FARS2: variants seen among roughly 807,000 people sequenced by gnomAD.
FARS2 encodes phenylalanine--tRNA ligase, mitochondrial.
Under a neutral mutation model 46.4 loss-of-function variants are expected in FARS2, and 40 were observed. That is an observed-to-expected ratio of 0.86 (90% CI 0.67 to 1.12). The LOEUF (loss-of-function observed/expected upper bound fraction) is 1.12, where lower values mean the gene tolerates loss of function less well. Among genes scored for constraint, FARS2 ranks in the 50% most tolerant of loss-of-function variants. The pLI, the probability that FARS2 is intolerant of heterozygous loss-of-function variation, is 0.00. For missense variants in FARS2, 513 were observed against 567.9 expected (o/e 0.90, Z 0.98); for synonymous variants, 234 against 214.9 (o/e 1.09, Z -0.78).
chr6:5,539,407 T>TATATATATATATATATATA (rs771563949), intron 4 of FARS2, among the ~76,000 whole-genome samples: 6 of 143,480 alleles, frequency 4.2e-5, no homozygotes, highest in African/African-American at 7.8e-5. Context: ...TATGTATATA[T>TATATATATATATATATATA]TTTTTTAGTA....
chr6:5,343,197 A>G lies in FARS2; in HGVS notation c.-21-25353A>G, dbSNP rs1756993271. On this transcript the variant is annotated intron_variant, in intron 1 of 6. Coordinates refer to ENST00000274680, the MANE Select transcript of FARS2 (RefSeq NM_006567.5). This position sits in a 1 kb window ranked among gnomAD's most constrained non-coding sequence, Gnocchi z 4.5. Reference sequence around the variant, plus strand: ...TGTTTATTACTGTAGACAAAACTGTACATTTCATTTATTTATCTATTTATT... The same window carrying G: ...TGTTTATTACTGTAGACAAAACTGTGCATTTCATTTATTTATCTATTTATT... Among the ~76,000 whole-genome samples the G allele has an allele frequency of 6.6e-6, 1 of 152,142 alleles. No individual in the cohort carries two copies. Among genetic ancestry groups the G allele is most frequent in the Admixed American group, 6.5e-5 (1 of 15,276 alleles).
At chr6:5,274,665 T>C (rs1294610400) in intron 1 of FARS2, among the ~76,000 whole-genome samples, 1 of 152,298 alleles carries the variant, frequency 6.6e-6, no homozygotes, top group East Asian at 1.9e-4. Flanking sequence ...CTAATGTCTT[T>C]CTGTTTTCAG....
At chr6:5,633,303 T>C (rs1045299569) in intron 6 of FARS2, among the ~76,000 whole-genome samples, 1 of 125,152 alleles carries the variant, frequency 8.0e-6, no homozygotes, top group Non-Finnish European at 1.6e-5. Context: ...TGTGACAGAG[T>C]CTCGCTCTGT....
intron 6 of FARS2, among the ~76,000 whole-genome samples, chr6:5,686,934 G>A (rs1188630743): frequency 1.3e-5 from 2 of 152,176 alleles, no homozygotes; most frequent in Non-Finnish European, 2.9e-5. Flanking sequence ...GTTTTGATTT[G>A]CATTTCTCTG....
At chr6:5,562,695 T>TACACACACACACACAC (rs35980009) in intron 5 of FARS2, among the ~76,000 whole-genome samples, 1,774 of 135,718 alleles carry the variant, frequency 0.013, 22 homozygotes, top group East Asian at 0.033. Flanking sequence ...CTGTAATTTA[T>TACACACACACACACAC]ACACACACAC....
At chr6:5,613,965 C>G (rs139651134) in intron 6 of FARS2, among the ~76,000 whole-genome samples, 1 of 151,918 alleles carries the variant, frequency 6.6e-6, no homozygotes, top group East Asian at 1.9e-4. Flanking sequence ...GAAGGAGCAT[C>G]GCAGATAGCA....
chr6:5,578,226 T>C (rs1773101991), intron 5 of FARS2, among the ~76,000 whole-genome samples: 2 of 152,202 alleles, frequency 1.3e-5, no homozygotes, highest in South Asian at 4.1e-4. Context: ...AGCACCTGTT[T>C]GGTGCTGGTG....
At chr6:5,641,488 G>A (rs1361935827) in intron 6 of FARS2, among the ~76,000 whole-genome samples, 1 of 152,110 alleles carries the variant, frequency 6.6e-6, no homozygotes, top group Non-Finnish European at 1.5e-5. Context: ...GTAGAGACAG[G>A]GTTTTGCCAT....
chr6:5,393,716 G>A (rs768614254), intron 2 of FARS2, among the ~76,000 whole-genome samples: 4 of 152,144 alleles, frequency 2.6e-5, no homozygotes, highest in Non-Finnish European at 5.9e-5. Context: ...CCAGTGTGAG[G>A]TATAATTAGT....
intron 5 of FARS2, among the ~76,000 whole-genome samples, chr6:5,587,084 C>G (rs544787218): frequency 2.6e-5 from 4 of 152,190 alleles, no homozygotes; most frequent in Non-Finnish European, 5.9e-5. Flanking sequence ...ATCTGGCAAC[C>G]CTTAAAGATG....
In FARS2 at chr6:5,529,414, T is replaced by G. The variant is rs199764691; in HGVS notation, c.905-15766T>G. Among the ~76,000 whole-genome samples, 28 of 152,260 alleles carry G rather than the reference T, an allele frequency of 1.8e-4. No individual in the cohort carries two copies. The East Asian group carries it at 5.2e-3, about 28-fold the overall frequency. On this transcript the variant is annotated intron_variant, in intron 4 of 6. Coordinates refer to ENST00000274680, the MANE Select transcript of FARS2 (RefSeq NM_006567.5). ...CCTCCGCCTCCTGGGTTCAATCGAT[T>G]CTCCTACCTCAGCCTCCCGAGTAGC... is the stretch of plus-strand genomic sequence containing the variant.
chr6:5,312,813 CT>C (rs1251990320), intron 1 of FARS2, among the ~76,000 whole-genome samples: 1 of 151,992 alleles, frequency 6.6e-6, no homozygotes, highest in South Asian at 2.1e-4. Context: ...AGACACAGCC[CT>C]TTTTTTTAGG....
chr6:5,618,994 G>C (rs1775623480), intron 6 of FARS2, among the ~76,000 whole-genome samples: 1 of 152,222 alleles, frequency 6.6e-6, no homozygotes, highest in Non-Finnish European at 1.5e-5. Flanking sequence ...CCAAGTTCAT[G>C]CACCTTAAGG....
chr6:5,348,379 CCACTCCTTCAA>C (rs1345640365), intron 1 of FARS2, among the ~76,000 whole-genome samples: 1 of 151,416 alleles, frequency 6.6e-6, no homozygotes, highest in African/African-American at 2.4e-5. Context: ...CTGCTTCTGG[CCACTCCTTCAA>C]CACAATCTCT....
intron 1 of FARS2, among the ~76,000 whole-genome samples, chr6:5,338,411 T>C (rs574923417): frequency 6.6e-6 from 1 of 152,308 alleles, no homozygotes; most frequent in African/African-American, 2.4e-5. Flanking sequence ...TGGATGCAGG[T>C]GTGTCGTCTT....
intron 4 of FARS2, chr6:5,457,954 T>C (rs556301490): frequency 1.3e-5 from 2 of 152,344 alleles, no homozygotes; most frequent in South Asian, 4.1e-4. Context: ...CTCCTGAAGC[T>C]GAATGGGTTT....
Position 5,440,707 on chromosome 6 carries a change from G to C in FARS2, c.904+9535G>C, listed in dbSNP as rs181622159. The stretch of plus-strand genomic sequence containing the variant: ...TTGTTGTTATTGTTTTTTAGAAGTG[G>C]AGGGGGGGTGTCTCACTGTGTTGCC... On this transcript the variant is annotated intron_variant, in intron 4 of 6. Transcript: ENST00000274680. Among the ~76,000 whole-genome samples, 377 of 152,248 alleles carry C rather than the reference G, an allele frequency of 2.5e-3. 2 individuals are homozygous for C. The highest frequency in any genetic ancestry group is 1.1e-3 in the Non-Finnish European group (73 of 68,010).
chr6:5,365,317 CTTTTTTTTTT>C (rs61097603), intron 1 of FARS2, among the ~76,000 whole-genome samples: 25 of 42,498 alleles, frequency 5.9e-4, no homozygotes, highest in African/African-American at 2.0e-3. Context: ...AGTATACTTT[CTTTTTTTTTT>C]TTTTTTTTTT....
chr6:5,685,323 C>T (rs1002358994), intron 6 of FARS2, among the ~76,000 whole-genome samples: 3 of 152,322 alleles, frequency 2.0e-5, no homozygotes, highest in Admixed American at 6.5e-5. Flanking sequence ...CTCTGGGTCT[C>T]TTCACACTAA....
Sources: allele counts gnomAD v4.1 joint callset (sites outside exome capture counted in the v4.1 genomes callset), GRCh38; gene constraint gnomAD v4.1.1; non-coding constraint Gnocchi (gnomAD v3.1); transcripts MANE v1.5; gene names NCBI Gene and HGNC (gene_info 2026-07-23, HGNC 2026-07-21).